Variants in DHX57 observed in about 807,000 individuals in gnomAD.
DHX57 encodes the protein DExH-box helicase 57, also known as putative ATP-dependent RNA helicase DHX57.
A neutral mutation model predicts 156.2 loss-of-function variants in DHX57; 105 were observed. The ratio of observed to expected loss-of-function variants is 0.67; its 90% CI spans 0.57 to 0.79. DHX57 has a LOEUF of 0.79. Among genes scored for constraint, DHX57 ranks in the 30% least tolerant of loss-of-function variants. The probability of loss-of-function intolerance (pLI) is 0.00; values close to 1 mark genes in which losing one functional copy is unlikely to be tolerated. For synonymous variants in DHX57, 704 were observed against 595.6 expected (o/e 1.18, Z -2.65); for missense variants, 1,847 against 1,661.9 (o/e 1.11, Z -1.94).
At chr2:38,827,217 A>G (rs952406792) in intron 14 of DHX57, among the ~76,000 whole-genome samples, 1 of 151,964 alleles carries the variant, frequency 6.6e-6, no homozygotes, top group Non-Finnish European at 1.5e-5. Flanking sequence ...GGAACCAAAA[A>G]CCTCATACCA....
intron 6 of DHX57, chr2:38,857,054 C>G (rs1672938262): frequency 6.5e-6 from 1 of 153,618 alleles, no homozygotes; most frequent in Admixed American, 6.5e-5. Flanking sequence ...TATACCAGTA[C>G]TGTCCAATAG....
intron 14 of DHX57, among the ~76,000 whole-genome samples, chr2:38,827,638 A>G (rs1243193639): frequency 6.6e-6 from 1 of 150,670 alleles, no homozygotes; most frequent in Non-Finnish European, 1.5e-5. Context: ...TCATTCTTAC[A>G]TTTTAAGGGA....
intron 11 of DHX57, among the ~76,000 whole-genome samples, chr2:38,845,482 A>T (rs1457521156): frequency 6.6e-6 from 1 of 152,108 alleles, no homozygotes; most frequent in Non-Finnish European, 1.5e-5. Context: ...AGAAGGAAGG[A>T]ACAGAGAAGG....
chr2:38,841,354 A>C (rs1026238855), intron 12 of DHX57, among the ~76,000 whole-genome samples: 9 of 152,254 alleles, frequency 5.9e-5, no homozygotes, highest in Admixed American at 5.2e-4. Flanking sequence ...GAACTTGCTC[A>C]AGATCATTAG....
rs1195041797 is a variant in DHX57 at position 38,806,586 on chromosome 2, G to C, written c.3789C>G (p.His1263Gln). The change falls in exon 22 of 24, where the codon CAC becomes CAG. Residue 1263 changes from histidine (H) to glutamine (Q), a missense_variant. By Grantham distance (24) the His-to-Gln change is conservative. Coordinates refer to ENST00000457308, the MANE Select transcript of DHX57 (RefSeq NM_198963.3). Reference sequence around the variant, plus strand: ...GATAGTTCACTGATGAAGGGTGAATGTGTACATATCCATCGTTCTTGGTGA... The same window carrying C: ...GATAGTTCACTGATGAAGGGTGAATCTGTACATATCCATCGTTCTTGGTGA... ...KFVTKNDGYV[H>Q]IHPSSVNYQV... is the part of the protein sequence containing the mutation. 2 of 1,614,140 alleles carry C rather than the reference G, an allele frequency of 1.2e-6. No individual in the cohort carries two copies. The highest frequency in any genetic ancestry group is 1.7e-6 in the Non-Finnish European group (2 of 1,180,014).
At chr2:38,835,087 G>T (rs912228995) in intron 13 of DHX57, among the ~76,000 whole-genome samples, 12 of 152,190 alleles carry the variant, frequency 7.9e-5, no homozygotes, top group African/African-American at 2.9e-4. Flanking sequence ...AGAAGCAGCA[G>T]CTTCTGCTGA....
chr2:38,823,948 T>C (rs1398426404), intron 16 of DHX57, among the ~76,000 whole-genome samples: 1 of 151,828 alleles, frequency 6.6e-6, no homozygotes, highest in Non-Finnish European at 1.5e-5. Context: ...GAGGTGGAGG[T>C]TGCAGTGAGC....
At chr2:38,859,199 A>G (rs1484543990) in intron 5 of DHX57, among the ~76,000 whole-genome samples, 1 of 152,272 alleles carries the variant, frequency 6.6e-6, no homozygotes, top group Non-Finnish European at 1.5e-5. Context: ...TCACTAATAA[A>G]AAGGAATGAT....
chr2:38,803,458 G>T (rs573958600), intron 22 of DHX57, among the ~76,000 whole-genome samples: 1 of 151,008 alleles, frequency 6.6e-6, no homozygotes, highest in East Asian at 2.0e-4. Context: ...AAAATGCCTT[G>T]ACATATTCTC....
In DHX57 at chr2:38,868,212, C is replaced by G. The variant is rs1207075515; in HGVS notation, c.194G>C (p.Cys65Ser). ...AGGGCGCCTTGATTCACTGAAGATA[C>G]AAAAGTCATCTCCATCATCCCATAT... ...SRIWDDGDDF[C>S]IFSESRRPSR... The change falls in exon 2 of 24, where the codon TGT (cysteine) becomes TCT (serine). Residue 65 changes from cysteine (C) to serine (S), a missense_variant. Cys to Ser is a moderately radical substitution (Grantham distance 112). Coordinates refer to ENST00000457308, the MANE Select transcript of DHX57 (RefSeq NM_198963.3). The G allele has an allele frequency of 1.2e-6, 2 of 1,613,932 alleles. No homozygotes were observed. Among genetic ancestry groups the G allele is most frequent in the Non-Finnish European group, 8.5e-7 (1 of 1,180,040 alleles).
chr2:38,875,430 C>T (rs568958847), intron 1 of DHX57, among the ~76,000 whole-genome samples: 11 of 152,312 alleles, frequency 7.2e-5, no homozygotes, highest in African/African-American at 2.4e-4. Flanking sequence ...CGTCCCCACC[C>T]TTCTCCCCAA....
chr2:38,850,461 T>C (rs1450928011), intron 9 of DHX57, among the ~76,000 whole-genome samples: 2 of 151,936 alleles, frequency 1.3e-5, no homozygotes, highest in Admixed American at 1.3e-4. Flanking sequence ...GGTGTCTCCC[T>C]ATATTGCCCA....
intron 1 of DHX57, among the ~76,000 whole-genome samples, chr2:38,870,910 AC>A (rs1374740374): frequency 1.3e-5 from 2 of 151,912 alleles, no homozygotes; most frequent in African/African-American, 4.8e-5. Context: ...CAAAAAAAAA[AC>A]AACAAAAAAT....
chr2:38,856,503 C>CTT (rs372510406), intron 6 of DHX57, 42 bp from the exon 7 acceptor site: 2,543 of 1,384,488 alleles, frequency 1.8e-3, no homozygotes, highest in East Asian at 3.6e-3. Context: ...GTTACTTTTT[C>CTT]TTTTTTTTTT....
intron 23 of DHX57, among the ~76,000 whole-genome samples, chr2:38,799,310 G>A (rs1237531201): frequency 1.3e-5 from 2 of 151,668 alleles, no homozygotes; most frequent in Non-Finnish European, 2.9e-5. Flanking sequence ...AGGTTGCGGT[G>A]AGCCAAGATT....
intron 19 of DHX57, chr2:38,815,862 G>A (rs1670521677): frequency 1.7e-6 from 1 of 597,370 alleles, no homozygotes; most frequent in Non-Finnish European, 2.9e-6. Flanking sequence ...AAACTGAAAC[G>A]GTTATGCAGA....
chr2:38,815,133 C>G (rs1390512774), intron 20 of DHX57, among the ~76,000 whole-genome samples: 3 of 151,554 alleles, frequency 2.0e-5, no homozygotes, highest in Non-Finnish European at 4.4e-5. Flanking sequence ...GTGTCTCAAT[C>G]TTAGCCCACT....
chr2:38,801,238 AT>A (rs1669662429), intron 23 of DHX57, among the ~76,000 whole-genome samples: 1 of 152,048 alleles, frequency 6.6e-6, no homozygotes, highest in African/African-American at 2.4e-5. Flanking sequence ...TTAAAATGAA[AT>A]TTTATTTATT....
chr2:38,832,345 C>A (rs1164976673), intron 13 of DHX57, among the ~76,000 whole-genome samples: 1 of 151,708 alleles, frequency 6.6e-6, no homozygotes, highest in African/African-American at 2.4e-5. Flanking sequence ...GAGGCTGAGG[C>A]AGGACAATTG....
Sources: gnomAD v4.1 joint callset for allele counts (sites outside exome capture counted in the v4.1 genomes callset) on GRCh38, gnomAD v4.1.1 for gene constraint, MANE v1.5 for transcripts, NCBI Gene and HGNC (gene_info 2026-07-23, HGNC 2026-07-21) for gene names.